Variants in PCGF5 observed in about 807,000 individuals in gnomAD.
The protein encoded by PCGF5 is polycomb group ring finger 5.
In PCGF5, 9 loss-of-function variants were observed where a neutral mutation model predicts 44.3. The observed-to-expected ratio is 0.20, with a 90% CI of 0.12 to 0.35. The LOEUF is 0.35. Ranked by LOEUF, PCGF5 falls within the 10% of genes least tolerant of loss-of-function variation. The pLI is 1.00. For missense variants in PCGF5, 146 were observed against 305.3 expected (o/e 0.48, Z 3.89); for synonymous variants, 95 against 102.5 (o/e 0.93, Z 0.44).
intron 7 of PCGF5, among the ~76,000 whole-genome samples, chr10:91,264,162 T>C (rs1276094146): frequency 2.0e-5 from 3 of 152,170 alleles, no homozygotes; most frequent in East Asian, 3.9e-4. Context: ...AAAGGTTACA[T>C]TGCATTTGTA....
chr10:91,251,968 A>G (rs1485381453), intron 6 of PCGF5, among the ~76,000 whole-genome samples: 2 of 152,012 alleles, frequency 1.3e-5, no homozygotes. Context: ...TATTTCCTAT[A>G]GAATCTCCAT....
chr10:91,162,702 G>A (rs1452787170), upstream of PCGF5, among the ~76,000 whole-genome samples: 1 of 148,362 alleles, frequency 6.7e-6, no homozygotes, highest in African/African-American at 2.5e-5. Context: ...AGGACGCTCC[G>A]GGAGCTGCGC....
chr10:91,219,320 C>T (rs1844607232), upstream of PCGF5, among the ~76,000 whole-genome samples: 1 of 152,188 alleles, frequency 6.6e-6, no homozygotes, highest in African/African-American at 2.4e-5. Flanking sequence ...TTTAAGCCCC[C>T]TGGACTCCAC....
At chr10:91,186,570 G>GTA (rs1287287395) in intron 1 of PCGF5, among the ~76,000 whole-genome samples, 1 of 125,334 alleles carries the variant, frequency 8.0e-6, no homozygotes, top group African/African-American at 2.6e-5. Flanking sequence ...GTGTGTGTGT[G>GTA]TATATATATG....
chr10:91,212,342 C>T (rs1454146984), intron 1 of PCGF5, among the ~76,000 whole-genome samples: 1 of 152,116 alleles, frequency 6.6e-6, no homozygotes, highest in African/African-American at 2.4e-5. Flanking sequence ...TGCATGAGGC[C>T]ATTCTGTTTT....
intron 7 of PCGF5, among the ~76,000 whole-genome samples, 157 bp downstream of exon 7, chr10:91,261,581 A>G (rs1408379163): frequency 6.6e-6 from 1 of 152,228 alleles, no homozygotes; most frequent in Non-Finnish European, 1.5e-5. Flanking sequence ...GTATTATTCT[A>G]CTTAGGTAAT....
chr10:91,240,476 C>A lies in PCGF5; in HGVS notation c.113-8C>A. Reference sequence around the variant, plus strand: ...TGCGTTTTAACCTAACATCTTCTTTCTTCTTAGTCTGTAAGACTTGTATTG... The same window carrying A: ...TGCGTTTTAACCTAACATCTTCTTTATTCTTAGTCTGTAAGACTTGTATTG... On this transcript the variant is annotated splice_polypyrimidine_tract_variant and splice_region_variant and intron_variant, in intron 2 of 9. Transcript: ENST00000336126. The A allele has an allele frequency of 6.3e-7, 1 of 1,591,360 alleles. No individual in the cohort carries two copies. The highest frequency in any genetic ancestry group is 8.6e-7 in the Non-Finnish European group (1 of 1,165,648).
At chr10:91,251,820 C>G (rs142131091) in intron 6 of PCGF5, among the ~76,000 whole-genome samples, 1,777 of 152,064 alleles carry the variant, frequency 0.012, 35 homozygotes, top group Admixed American at 0.017. Flanking sequence ...CTTTATTTCT[C>G]TATTTTTATT....
chr10:91,158,686 C>T (rs1378707422), upstream of PCGF5, among the ~76,000 whole-genome samples: 1 of 152,138 alleles, frequency 6.6e-6, no homozygotes, highest in Non-Finnish European at 1.5e-5. Context: ...GAAATTTGTT[C>T]TCTTCCATCA....
Position 91,214,613 on chromosome 10 carries a change from C to G in PCGF5, c.-183-8076C>G, listed in dbSNP as rs967922987. 7.9e-4 allele frequency among the ~76,000 whole-genome samples: 120 copies of G among 152,200 alleles called. 1 individual carries two copies. The highest frequency in any genetic ancestry group is 2.7e-3 in the African/African-American group (111 of 41,438). On this transcript the variant is annotated intron_variant, in intron 1 of 9. Transcript: ENST00000614189. ...GCAAAACAAAACGCAGCATTAAGAA[C>G]CCAGTTGACCGGGATAGCATGTTTT...
intron 8 of PCGF5, among the ~76,000 whole-genome samples, chr10:91,265,281 G>A (rs1846023185): frequency 6.6e-6 from 1 of 152,034 alleles, no homozygotes; most frequent in South Asian, 2.1e-4. Flanking sequence ...GCAAATTTGA[G>A]GTACTAGGGA....
chr10:91,281,109 A>C lies in PCGF5; in HGVS notation c.*2793A>C, dbSNP rs1232316564. On this transcript the variant is annotated 3_prime_UTR_variant, in exon 10 of 10. Transcript: ENST00000336126. ...AATTGAAGTAATCACATCAGTTAAT[A>C]GAGAAATCAAAATATGTATGGCCTT... 1 of 152,520 alleles carries C rather than the reference A, an allele frequency of 6.6e-6. No homozygotes were observed. The highest frequency in any genetic ancestry group is 6.5e-5 in the Admixed American group (1 of 15,282). 9.4% of individuals were successfully genotyped at this position (152,520 alleles called of 1,614,324 possible). A position where few individuals can be genotyped will look rare whatever the true frequency, so the allele number is the denominator to read the frequency against.
intron 1 of PCGF5, among the ~76,000 whole-genome samples, chr10:91,184,391 G>T (rs1292761731): frequency 6.6e-6 from 1 of 152,088 alleles, no homozygotes. Flanking sequence ...CTTGTAGTGT[G>T]TTTTTTGTCT....
At chr10:91,188,016 G>A (rs558517921) in intron 1 of PCGF5, among the ~76,000 whole-genome samples, 3 of 151,416 alleles carry the variant, frequency 2.0e-5, no homozygotes, top group Non-Finnish European at 4.4e-5. Flanking sequence ...TAGGGTACAT[G>A]TGCACAATGT....
At chr10:91,206,376 C>CT (rs938039707) in intron 1 of PCGF5, among the ~76,000 whole-genome samples, 5 of 151,350 alleles carry the variant, frequency 3.3e-5, no homozygotes, top group Admixed American at 2.0e-4. Flanking sequence ...TGATAAGCCA[C>CT]TTTTTTTTTA....
At chr10:91,265,098 C>G (rs962683547) in intron 8 of PCGF5, among the ~76,000 whole-genome samples, 1 of 151,952 alleles carries the variant, frequency 6.6e-6, no homozygotes, top group Non-Finnish European at 1.5e-5. Context: ...CAAAGAAAAC[C>G]CAAAAAACCC....
chr10:91,260,837 A>T (rs1022529504), intron 6 of PCGF5, among the ~76,000 whole-genome samples: 3 of 150,990 alleles, frequency 2.0e-5, no homozygotes, highest in African/African-American at 7.3e-5. Flanking sequence ...GAGGGATAGC[A>T]GTAGGAGATA....
At chr10:91,249,913 T>G (rs988936427) in intron 5 of PCGF5, among the ~76,000 whole-genome samples, 6 of 151,378 alleles carry the variant, frequency 4.0e-5, no homozygotes, top group African/African-American at 1.5e-4. Context: ...AAAATACAGA[T>G]AAGATAAGGC....
intron 5 of PCGF5, among the ~76,000 whole-genome samples, chr10:91,250,969 G>C (rs975141292): frequency 1.3e-5 from 2 of 151,514 alleles, no homozygotes; most frequent in East Asian, 1.9e-4. Context: ...TATATATTCT[G>C]TCCACTTTCT....
Sources: gnomAD v4.1 joint callset for allele counts (sites outside exome capture counted in the v4.1 genomes callset) on GRCh38, gnomAD v4.1.1 for gene constraint, MANE v1.5 for transcripts, NCBI Gene and HGNC (gene_info 2026-07-23, HGNC 2026-07-21) for gene names.